The following FGD6 variants were observed in gnomAD, a reference collection of about 807,000 sequenced individuals.
FGD6 encodes the protein FYVE, RhoGEF and PH domain containing 6, also known as FYVE, RhoGEF and PH domain-containing protein 6.
FGD6 carries 90 observed loss-of-function variants against 149.4 expected under a neutral mutation model. The ratio of observed to expected loss-of-function variants is 0.60; its 90% CI spans 0.51 to 0.72. FGD6 has a LOEUF of 0.72. Among genes scored for constraint, FGD6 ranks in the 30% least tolerant of loss-of-function variants. FGD6 has a pLI of 0.00. For missense variants in FGD6, 1,437 were observed against 1,684.8 expected, an observed-to-expected ratio of 0.85 and a Z score of 2.57; for synonymous variants, 527 against 584.0, an observed-to-expected ratio of 0.90 and a Z score of 1.41.
Position 95,092,800 on chromosome 12 carries a change from C to T in FGD6, c.3646G>A (p.Ala1216Thr). ...KEEVSPLGSK[A>T]PIWIPDTRAT... ...CTGGTATCAGGAATCCAGATGGGAGCCTTCGATCCAAGAGGACTAACTTCT... is the reference window on the plus strand; with the variant it reads ...CTGGTATCAGGAATCCAGATGGGAGTCTTCGATCCAAGAGGACTAACTTCT... The change falls in exon 16 of 21, where the codon GCT becomes ACT. Residue 1216 changes from alanine (A) to threonine (T), a missense_variant. Ala to Thr is a moderately conservative substitution (Grantham distance 58). This residue lies in a region of FGD6 where 382 missense variants were observed against 538.7 expected (regional missense o/e 0.71). Transcript: ENST00000343958. The T allele has an allele frequency of 6.2e-7, 1 of 1,613,970 alleles. No homozygotes were observed. Among genetic ancestry groups the T allele is most frequent in the Non-Finnish European group, 8.5e-7 (1 of 1,179,974 alleles).
chr12:95,162,098 TACAA>T (rs1880660478), intron 3 of FGD6, among the ~76,000 whole-genome samples: 1 of 29,148 alleles, frequency 3.4e-5, no homozygotes, highest in Admixed American at 3.7e-4. Context: ...ACCTGAAAAA[TACAA>T]AAAAAAAAAA....
At chr12:95,096,914 CCT>C (rs1412111244) in intron 14 of FGD6, among the ~76,000 whole-genome samples, 1 of 152,172 alleles carries the variant, frequency 6.6e-6, no homozygotes, top group East Asian at 1.9e-4. Flanking sequence ...TCTCTCCCTC[CCT>C]CCCCGGCTCC....
intron 14 of FGD6, among the ~76,000 whole-genome samples, chr12:95,098,136 T>G: frequency 6.6e-6 from 1 of 152,150 alleles, no homozygotes; most frequent in East Asian, 1.9e-4. Context: ...GGATGTTGCA[T>G]ATGCACCTCA....
chr12:95,102,443 CAAAAAAAAAAAAAAA>C, intron 14 of FGD6, among the ~76,000 whole-genome samples: 1 of 104,216 alleles, frequency 9.6e-6, no homozygotes, highest in South Asian at 3.5e-4. Flanking sequence ...GACCCTTTCT[CAAAAAAAAAAAAAAA>C]AAAAAAAAAC....
At chr12:95,125,822 T>C (rs1592842919) in intron 8 of FGD6, 12 of 958,758 alleles carry the variant, frequency 1.3e-5, no homozygotes, top group African/African-American at 1.6e-5. Flanking sequence ...GACCTCATGC[T>C]GGAAAATTCA....
chr12:95,165,081 C>T (rs753837459), intron 3 of FGD6, among the ~76,000 whole-genome samples: 25 of 151,992 alleles, frequency 1.6e-4, no homozygotes, highest in Non-Finnish European at 2.5e-4. Context: ...AAAGGAAAGA[C>T]CAAAAACTAT....
At chr12:95,137,419 TTTTC>T (rs1592847548) in intron 7 of FGD6, 99 bp downstream of exon 7, 8 of 1,092,866 alleles carry the variant, frequency 7.3e-6, no homozygotes, top group Admixed American at 5.8e-5. Flanking sequence ...CTTTTTAACT[TTTTC>T]TTTGTTTGCA....
rs145168508 is a variant in FGD6, at chr12:95,172,638, A to T, written c.2548T>A (p.Ser850Thr). The change falls in exon 3 of 21, where the codon TCA becomes ACA. Residue 850 changes from serine to threonine, a missense_variant. This residue lies in a region of FGD6 where 1,055 missense variants were observed against 1,146.0 expected (regional missense o/e 0.92). Transcript: ENST00000343958. ...AGTGGGTCAGGCTCTCCTTTACTTG[A>T]CTCAGAGCTGACATCATCTTCATCA... ...SSDEDDVSSE[S>T]SKGEPDPLED... 39 of 1,612,782 alleles carry T rather than the reference A, an allele frequency of 2.4e-5. No individual in the cohort carries two copies. In the African/African-American group the frequency reaches 4.3e-4, roughly 18 times the overall value.
intron 9 of FGD6, among the ~76,000 whole-genome samples, chr12:95,110,446 C>A (rs999093399): frequency 2.6e-5 from 4 of 151,858 alleles, no homozygotes; most frequent in African/African-American, 9.7e-5. Context: ...ACCTCCGCCT[C>A]CCAGATTCAA....
At chr12:95,166,006 GCTGGAGTGCAGA>G (rs1880803113) in intron 3 of FGD6, among the ~76,000 whole-genome samples, 1 of 150,216 alleles carries the variant, frequency 6.7e-6, no homozygotes, top group Non-Finnish European at 1.5e-5. Context: ...TGTTGCTCAG[GCTGGAGTGCAGA>G]CTGGAGTGCA....
intron 2 of FGD6, among the ~76,000 whole-genome samples, chr12:95,195,377 C>T: frequency 6.6e-6 from 1 of 152,068 alleles, no homozygotes; most frequent in East Asian, 1.9e-4. Context: ...CAAAAGCCTT[C>T]AGAGCAGCAT....
chr12:95,212,883 T>G (rs1402573514), intron 1 of FGD6, among the ~76,000 whole-genome samples: 1 of 152,230 alleles, frequency 6.6e-6, no homozygotes, highest in African/African-American at 2.4e-5. Context: ...TCTACTTCTA[T>G]GTGTGCAATA....
chr12:95,149,505 GTATAT>G (rs1266193563), intron 5 of FGD6, among the ~76,000 whole-genome samples: 1 of 132,416 alleles, frequency 7.6e-6, no homozygotes, highest in East Asian at 2.1e-4. Context: ...ATAATATATA[GTATAT>G]TATATATAGT....
chr12:95,125,313 C>A (rs1415821158), intron 8 of FGD6, among the ~76,000 whole-genome samples: 1 of 152,026 alleles, frequency 6.6e-6, no homozygotes, highest in Non-Finnish European at 1.5e-5. Flanking sequence ...CCTCATATAC[C>A]CTAAACACTT....
At chr12:95,096,349 G>A (rs1056030255) in intron 14 of FGD6, among the ~76,000 whole-genome samples, 1 of 152,126 alleles carries the variant, frequency 6.6e-6, no homozygotes, top group Non-Finnish European at 1.5e-5. Context: ...TGGCTTGAGT[G>A]CCATTTAGAA....
chr12:95,140,148 T>G (rs1879802425), intron 6 of FGD6, among the ~76,000 whole-genome samples: 1 of 152,218 alleles, frequency 6.6e-6, no homozygotes, highest in Non-Finnish European at 1.5e-5. Context: ...TAGGTGATAC[T>G]ATTTTCTTAT....
chr12:95,187,652 C>CCA (rs1555222014), intron 2 of FGD6, among the ~76,000 whole-genome samples: 135 of 106,670 alleles, frequency 1.3e-3, no homozygotes, highest in South Asian at 3.4e-3. Context: ...GCTGCGTCCC[C>CCA]AAAAAAAAAA....
chr12:95,139,182 G>A (rs1399564427), intron 6 of FGD6, among the ~76,000 whole-genome samples: 5 of 152,176 alleles, frequency 3.3e-5, no homozygotes, highest in Non-Finnish European at 5.9e-5. Context: ...GCTCATGCCT[G>A]TAATCCTAGC....
At chr12:95,200,613 T>C (rs1214517638) in intron 2 of FGD6, among the ~76,000 whole-genome samples, 4 of 152,176 alleles carry the variant, frequency 2.6e-5, no homozygotes, top group Admixed American at 2.6e-4. Flanking sequence ...CAAGAAGGGC[T>C]GAGAAACCTG....
Sources: gnomAD v4.1 joint callset for allele counts (sites outside exome capture counted in the v4.1 genomes callset) on GRCh38, gnomAD v4.1.1 for gene constraint, gnomAD v4.1.1 regional missense constraint, MANE v1.5 for transcripts, NCBI Gene and HGNC (gene_info 2026-07-23, HGNC 2026-07-21) for gene names.